The following COL21A1 variants were observed in gnomAD, a reference collection of about 807,000 sequenced individuals.
COL21A1 encodes collagen alpha-1(XXI) chain.
COL21A1 carries 149 observed loss-of-function variants against 137.9 expected under a neutral mutation model. The observed-to-expected ratio is 1.08, with a 90% CI of 0.95 to 1.24. COL21A1 has a LOEUF of 1.24. COL21A1 is among the 50% of genes most tolerant of loss of function. COL21A1 has a pLI of 0.00. For synonymous variants in COL21A1, 456 were observed against 391.5 expected (o/e 1.16, Z -1.95); for missense variants, 1,167 against 1,158.4 (o/e 1.01, Z -0.11).
chr6:56,093,907 G>A (rs1168666821), intron 17 of COL21A1, among the ~76,000 whole-genome samples: 1 of 152,124 alleles, frequency 6.6e-6, no homozygotes, highest in Admixed American at 6.6e-5. Flanking sequence ...GGCTTCCACT[G>A]GGCTGGTTGA....
At chr6:56,115,063 A>G (rs1410488349) in intron 16 of COL21A1, among the ~76,000 whole-genome samples, 1 of 151,504 alleles carries the variant, frequency 6.6e-6, no homozygotes, top group African/African-American at 2.4e-5. Flanking sequence ...AAAAAACCAA[A>G]CACCGCATAT....
At chr6:56,381,012 A>G (rs1186948827) in intron 1 of COL21A1, among the ~76,000 whole-genome samples, 2 of 152,218 alleles carry the variant, frequency 1.3e-5, no homozygotes, top group Non-Finnish European at 2.9e-5. Flanking sequence ...AGGCTCTCAC[A>G]GGGAACTAAC....
intron 1 of COL21A1, among the ~76,000 whole-genome samples, chr6:56,239,279 A>G (rs945290793): frequency 2.6e-5 from 4 of 152,214 alleles, no homozygotes; most frequent in African/African-American, 4.8e-5. Context: ...AATTAATCAC[A>G]TTCTAACAAT....
intron 17 of COL21A1, among the ~76,000 whole-genome samples, chr6:56,095,587 A>T (rs1312336961): frequency 6.6e-6 from 1 of 152,104 alleles, no homozygotes. Flanking sequence ...CTAAAAGCTC[A>T]CCTACTGTTT....
chr6:56,299,743 C>A (rs1457492429), intron 1 of COL21A1, among the ~76,000 whole-genome samples: 1 of 151,920 alleles, frequency 6.6e-6, no homozygotes, highest in East Asian at 1.9e-4. Flanking sequence ...GAGAAATTCT[C>A]CCTCAGAATA....
chr6:56,293,911 C>T (rs1265470171), intron 1 of COL21A1, among the ~76,000 whole-genome samples: 1 of 152,164 alleles, frequency 6.6e-6, no homozygotes, highest in Non-Finnish European at 1.5e-5. Context: ...TATTAAGTTG[C>T]AACTGAACTT....
At chr6:56,300,706 G>A (rs529889095) in intron 1 of COL21A1, among the ~76,000 whole-genome samples, 3 of 152,180 alleles carry the variant, frequency 2.0e-5, no homozygotes, top group South Asian at 2.1e-4. Flanking sequence ...ATTAGCCCAA[G>A]ACACATAATT....
chr6:56,060,734 T>A lies in COL21A1; in HGVS notation c.2407+7A>T. ...AAAGTTATTAAAATGCTATATTTGA[T>A]ACCTACCTCTTATTACATCTGTGCA... is the stretch of plus-strand genomic sequence containing the variant. On this transcript the variant is annotated splice_region_variant and intron_variant, in intron 27 of 29. Coordinates refer to ENST00000244728, the MANE Select transcript of COL21A1 (RefSeq NM_030820.4). The A allele has an allele frequency of 6.3e-7, 1 of 1,594,204 alleles. No homozygotes were observed. The highest frequency in any genetic ancestry group is 8.5e-7 in the Non-Finnish European group (1 of 1,173,486).
At chr6:56,183,575 G>A (rs1213457531) in intron 1 of COL21A1, among the ~76,000 whole-genome samples, 1 of 152,090 alleles carries the variant, frequency 6.6e-6, no homozygotes, top group Non-Finnish European at 1.5e-5. Context: ...TAGAAAGTTG[G>A]CAACAGTATA....
intron 1 of COL21A1, among the ~76,000 whole-genome samples, chr6:56,264,077 C>G (rs1763343020): frequency 6.6e-6 from 1 of 152,084 alleles, no homozygotes; most frequent in Non-Finnish European, 1.5e-5. Context: ...CCTTATGATA[C>G]ATAGCACATA....
chr6:56,163,740 A>G (rs759224485), intron 9 of COL21A1, among the ~76,000 whole-genome samples: 1 of 152,066 alleles, frequency 6.6e-6, no homozygotes, highest in Non-Finnish European at 1.5e-5. Context: ...TTAATATTAA[A>G]TTGCATAGAA....
At chr6:56,177,658 G>C (rs1777590693) in intron 3 of COL21A1, among the ~76,000 whole-genome samples, 1 of 151,902 alleles carries the variant, frequency 6.6e-6, no homozygotes, top group South Asian at 2.1e-4. Context: ...AGCCGGGCGT[G>C]GTGGGCGCCT....
rs137873150 is a variant in COL21A1 at position 56,321,011 on chromosome 6, C to T, written c.-39+72960G>A. On this transcript the variant is annotated intron_variant, in intron 1 of 28. Transcript: ENST00000370819. Reference sequence around the variant, plus strand: ...TCAATATATATTAATTGAAAAAATACTAACTTTCACTGATGAAAAAAACAA... The same window carrying T: ...TCAATATATATTAATTGAAAAAATATTAACTTTCACTGATGAAAAAAACAA... 9.8e-3 allele frequency among the ~76,000 whole-genome samples: 1,490 copies of T among 152,146 alleles called. 22 individuals carry two copies. The highest frequency in any genetic ancestry group is 0.034 in the African/African-American group (1,399 of 41,516).
chr6:56,127,143 G>A (rs1016431296), intron 12 of COL21A1, among the ~76,000 whole-genome samples: 2 of 151,944 alleles, frequency 1.3e-5, no homozygotes, highest in African/African-American at 4.8e-5. Context: ...ATCTCTCATA[G>A]CATCCAACAC....
chr6:56,098,604 T>G (rs1183677195), intron 17 of COL21A1, among the ~76,000 whole-genome samples: 1 of 12,098 alleles, frequency 8.3e-5, no homozygotes, highest in African/African-American at 4.7e-4. Context: ...AATATATATA[T>G]AAATATATAT....
intron 3 of COL21A1, among the ~76,000 whole-genome samples, chr6:56,172,267 T>G (rs1175903894): frequency 6.6e-6 from 1 of 152,078 alleles, no homozygotes; most frequent in Non-Finnish European, 1.5e-5. Flanking sequence ...GATCACATTT[T>G]GAAAGCAGCA....
intron 1 of COL21A1, among the ~76,000 whole-genome samples, chr6:56,234,721 G>T (rs536781648): frequency 6.6e-6 from 1 of 151,116 alleles, no homozygotes; most frequent in Non-Finnish European, 1.5e-5. Context: ...CCATACTCTC[G>T]CACTTCCCTC....
At chr6:56,344,066 A>C (rs1029655848) in intron 1 of COL21A1, among the ~76,000 whole-genome samples, 30 of 152,230 alleles carry the variant, frequency 2.0e-4, no homozygotes, top group African/African-American at 7.2e-4. Context: ...ATTTGCCTTC[A>C]AAATTTTTCT....
At chr6:56,248,196 A>G (rs368947080), upstream of COL21A1, among the ~76,000 whole-genome samples, 3 of 152,210 alleles carry the variant, frequency 2.0e-5, no homozygotes, top group African/African-American at 7.2e-5. Flanking sequence ...TTTAACATTC[A>G]TATGCTTTCC....
Sources: gnomAD v4.1 joint callset for allele counts (sites outside exome capture counted in the v4.1 genomes callset) on GRCh38, gnomAD v4.1.1 for gene constraint, MANE v1.5 for transcripts, NCBI Gene and HGNC (gene_info 2026-07-23, HGNC 2026-07-21) for gene names.